RNF213: variants seen among roughly 807,000 people sequenced by gnomAD.
RNF213 encodes E3 ubiquitin-protein ligase RNF213.
RNF213 carries 341 observed loss-of-function variants against 514.4 expected under a neutral mutation model. That is an observed-to-expected ratio of 0.66 (90% confidence interval 0.61 to 0.73). RNF213 has a LOEUF of 0.73. Ranked by LOEUF, RNF213 falls within the 30% of genes least tolerant of loss-of-function variation. The pLI, the probability that RNF213 is intolerant of heterozygous loss-of-function variation, is 0.00. For missense variants in RNF213, 5,767 were observed against 6,615.6 expected (o/e 0.87, Z 4.45); for synonymous variants, 2,655 against 2,658.2 (o/e 1.00, Z 0.04).
Position 80,294,851 on chromosome 17 carries a change from G to C in RNF213, c.1603G>C (p.Asp535His). The change falls in exon 9 of 68, where the codon GAC (aspartate) becomes CAC (histidine). Residue 535 changes from aspartate (D) to histidine (H), a missense_variant. Asp to His is a moderately conservative substitution (Grantham distance 81, BLOSUM62 -1). Coordinates refer to ENST00000582970, the MANE Select transcript of RNF213 (RefSeq NM_001256071.3). ...GCAGATTGCCGCTGCGCTCATGCTGGACAGCACCTTCAGCATCCTGCAGAC... is the reference window on the plus strand; with the variant it reads ...GCAGATTGCCGCTGCGCTCATGCTGCACAGCACCTTCAGCATCCTGCAGAC... Reference protein sequence around the residue: ...GKQIAAALMLDSTFSILQTWD... With the variant: ...GKQIAAALMLHSTFSILQTWD... 1 of 1,614,194 alleles carries C rather than the reference G, an allele frequency of 6.2e-7. No homozygotes were observed. The highest frequency in any genetic ancestry group is 1.1e-5 in the South Asian group (1 of 91,082).
chr17:80,364,445 T>A lies in RNF213; in HGVS notation c.11763T>A (p.Ser3921Arg). The change falls in exon 42 of 68, where the codon AGT becomes AGA. Residue 3921 changes from serine to arginine, a missense_variant. By Grantham distance (110) the Ser-to-Arg change is moderately radical (BLOSUM62 -1). Around this residue, in one of 13 missense-constraint regions of RNF213, gnomAD observed 355 missense variants for 358.0 expected, o/e 0.99. Coordinates refer to ENST00000582970, the MANE Select transcript of RNF213 (RefSeq NM_001256071.3). ...AVIREVRAQWSRIFSTALFVE... is the reference protein window; with the variant it reads ...AVIREVRAQWRRIFSTALFVE... The stretch of plus-strand genomic sequence containing the variant: ...CCTCTTTTGACAGAGCCCAGTGGAG[T>A]CGGATTTTCTCCACCGCACTCTTCG... 1.2e-6 allele frequency: 2 copies of A among 1,613,428 alleles called. No individual in the cohort carries two copies.
intron 11 of RNF213, among the ~76,000 whole-genome samples, chr17:80,300,190 C>T (rs117459315): frequency 0.093 from 14,080 of 152,214 alleles, 721 homozygotes; most frequent in Non-Finnish European, 0.096. Flanking sequence ...CCTTTTTCTC[C>T]GCAACCTCAC....
At chr17:80,327,631 C>G (rs145172026) in intron 18 of RNF213, among the ~76,000 whole-genome samples, 185 bp from the exon 19 acceptor site, 2 of 152,190 alleles carry the variant, frequency 1.3e-5, no homozygotes, top group Non-Finnish European at 2.9e-5. Context: ...TGGGCAAGAC[C>G]TAACCCTCGT....
chr17:80,287,039 A>T (rs1189702186), intron 3 of RNF213, among the ~76,000 whole-genome samples: 1 of 152,138 alleles, frequency 6.6e-6, no homozygotes. Context: ...GGTGCATAAA[A>T]CGTGGAAAGC....
chr17:80,361,738 G>C lies in RNF213; in HGVS notation c.11205G>C (p.Leu3735=), dbSNP rs2144373514. Residue 3735 remains leucine (L), a synonymous_variant, in exon 39 of 68, where the codon CTG becomes CTC. Coordinates refer to ENST00000582970, the MANE Select transcript of RNF213 (RefSeq NM_001256071.3). ...TCCTTGGTTTCCTCTCTGCAGGACTGCCCAAGAAGTTCGTGGACATCTTTC... is the reference window on the plus strand; with the variant it reads ...TCCTTGGTTTCCTCTCTGCAGGACTCCCCAAGAAGTTCGTGGACATCTTTC... The part of the protein sequence containing the change: ...QAQYITDAEG[L]PKKFVDIFQQ... The C allele has an allele frequency of 6.2e-7, 1 of 1,613,340 alleles. No individual in the cohort carries two copies. The highest frequency in any genetic ancestry group is 1.7e-5 in the Admixed American group (1 of 59,980).
intron 59 of RNF213, 23 bp downstream of exon 59, chr17:80,383,951 C>T: frequency 6.2e-7 from 1 of 1,614,108 alleles, no homozygotes; most frequent in Non-Finnish European, 8.5e-7. Context: ...TACTGTGGCT[C>T]CCTCCCTCTT....
intron 2 of RNF213, among the ~76,000 whole-genome samples, chr17:80,269,555 A>G (rs1048532719): frequency 6.6e-6 from 1 of 150,698 alleles, no homozygotes; most frequent in Non-Finnish European, 1.5e-5. Flanking sequence ...CTATCCATCT[A>G]TTCTATCTGT....
intron 44 of RNF213, among the ~76,000 whole-genome samples, chr17:80,368,589 T>G (rs2079377819): frequency 6.6e-6 from 1 of 152,066 alleles, no homozygotes; most frequent in South Asian, 2.1e-4. Context: ...TGCACCACCA[T>G]GCCCGGCTAA....
chr17:80,321,232 C>G (rs1363896689), intron 17 of RNF213: 2 of 152,148 alleles, frequency 1.3e-5, no homozygotes, highest in African/African-American at 4.8e-5. Context: ...ATATTTTTAA[C>G]AATTTTGTGC....
rs2046247782 is a variant in RNF213, at chr17:80,325,205, T to G, written c.3193+7T>G. 6.5e-7 allele frequency: 1 copy of G among 1,527,774 alleles called. No homozygotes were observed. The highest frequency in any genetic ancestry group is 8.8e-7 in the Non-Finnish European group (1 of 1,139,692). The allele number at this position is 1,527,774 out of a possible 1,614,324, so 94.6% of individuals were successfully genotyped here. On this transcript the variant is annotated splice_region_variant and intron_variant, in intron 18 of 67. Coordinates refer to ENST00000582970, the MANE Select transcript of RNF213 (RefSeq NM_001256071.3). ...CACGTCTTCAGATTGTGTGGTATGT[T>G]TGCGGGAGTGCTGGGAACATCAGCT...
chr17:80,314,265 A>G (rs1236290245), intron 15 of RNF213, among the ~76,000 whole-genome samples: 94 of 48,344 alleles, frequency 1.9e-3, no homozygotes, highest in East Asian at 6.6e-3. Flanking sequence ...GATGGTGGTA[A>G]AGGTGATGGT....
chr17:80,314,271 A>G (rs1303433195), intron 15 of RNF213, among the ~76,000 whole-genome samples: 5 of 80,388 alleles, frequency 6.2e-5, no homozygotes, highest in Non-Finnish European at 6.9e-5. Context: ...GGTAAAGGTG[A>G]TGGTGGAGGT....
In RNF213 at chr17:80,346,312, A is replaced by AGCGCAGCTGAATGCCTTTC. The variant is rs1199278186; in HGVS notation, c.7978_7996dup (p.Leu2666ArgfsTer57). 6.2e-7 allele frequency: 1 copy of AGCGCAGCTGAATGCCTTTC among 1,614,072 alleles called. No individual in the cohort carries two copies. The highest frequency in any genetic ancestry group is 8.5e-7 in the Non-Finnish European group (1 of 1,180,038). ...TCCACGAGCACAGCGCGATGCTCTTAGCGCAGCTGAATGCCTTTCTCTCCA... is the reference window on the plus strand; with the variant it reads ...TCCACGAGCACAGCGCGATGCTCTTAGCGCAGCTGAATGCCTTTCGCGCAGCTGAATGCCTTTCTCTCCA... On this transcript the variant is annotated frameshift_variant, in exon 29 of 68. Transcript: ENST00000582970. LOFTEE classifies it high-confidence loss of function. The surrounding 1 kb of genome is among the most constrained non-coding windows in gnomAD (Gnocchi z 8.1).
At chr17:80,325,622 C>A (rs2046258743) in intron 18 of RNF213, among the ~76,000 whole-genome samples, 1 of 152,046 alleles carries the variant, frequency 6.6e-6, no homozygotes, top group Admixed American at 6.6e-5. Context: ...ATAGAATGTC[C>A]AAGCCAACAT....
In RNF213 at chr17:80,334,277, T is replaced by C. The variant is rs1421112861; in HGVS notation, c.4309+7T>C. 1.3e-6 allele frequency: 2 copies of C among 1,531,746 alleles called. No homozygotes were observed. Among genetic ancestry groups the C allele is most frequent in the Non-Finnish European group, 1.7e-6 (2 of 1,143,760 alleles). 94.9% of individuals were successfully genotyped at this position (1,531,746 alleles called of 1,614,324 possible). ...GTCCGGGAGGCTCTTGGAGGTAAAA[T>C]CAGCCTTTGGGGTTGCGTGGAAGTG... On this transcript the variant is annotated splice_region_variant and intron_variant, in intron 22 of 67. Coordinates refer to ENST00000582970, the MANE Select transcript of RNF213 (RefSeq NM_001256071.3).
In RNF213 at chr17:80,394,919, T is replaced by G. The variant is rs1370631151; in HGVS notation, c.*1421T>G. 1 of 152,196 alleles carries G rather than the reference T, an allele frequency of 6.6e-6. No individual in the cohort carries two copies. Among genetic ancestry groups the G allele is most frequent in the East Asian group, 1.9e-4 (1 of 5,190 alleles). 9.4% of individuals were successfully genotyped at this position (152,196 alleles called of 1,614,324 possible). A position where few individuals can be genotyped will look rare whatever the true frequency, so the allele number is the denominator to read the frequency against. ...AGCCACCTGCCACCGAGATCTGCAT[T>G]CCGACTGCCTATGAACGGGTGTGGG... On this transcript the variant is annotated 3_prime_UTR_variant, in exon 68 of 68. Transcript: ENST00000582970.
Position 80,347,475 on chromosome 17 carries a change from A to G in RNF213, c.9140A>G (p.Lys3047Arg), listed in dbSNP as rs1401238528. ...TCCCGCTACTTACTCGTGCTGACCAAAAACTACGTGGCACTGCAGATCCTG... is the reference window on the plus strand; with the variant it reads ...TCCCGCTACTTACTCGTGCTGACCAGAAACTACGTGGCACTGCAGATCCTG... ...AESRYLLVLT[K>R]NYVALQILQQ... Residue 3047 changes from lysine (K) to arginine (R), a missense_variant, in exon 29 of 68, where the codon AAA becomes AGA. Physicochemically the swap from Lys to Arg is conservative, Grantham distance 26 (BLOSUM62 2). Coordinates refer to ENST00000582970, the MANE Select transcript of RNF213 (RefSeq NM_001256071.3). This position sits in a 1 kb window ranked among gnomAD's most constrained non-coding sequence, Gnocchi z 7.2. The G allele has an allele frequency of 6.2e-7, 1 of 1,614,088 alleles. No individual in the cohort carries two copies. Among genetic ancestry groups the G allele is most frequent in the Non-Finnish European group, 8.5e-7 (1 of 1,180,030 alleles).
chr17:80,366,291 C>G (rs1408370738), intron 42 of RNF213, among the ~76,000 whole-genome samples: 4 of 152,174 alleles, frequency 2.6e-5, no homozygotes, highest in African/African-American at 9.6e-5. Context: ...CATTTGATAA[C>G]TCTGTTTAAC....
chr17:80,385,274 T>C, intron 60 of RNF213, 103 bp downstream of exon 60: 3 of 1,400,862 alleles, frequency 2.1e-6, no homozygotes, highest in Non-Finnish European at 1.0e-6. Context: ...GAGGCGCTGA[T>C]GGGTGCTCTA....
Sources: gnomAD v4.1 joint callset for allele counts (sites outside exome capture counted in the v4.1 genomes callset) on GRCh38, gnomAD v4.1.1 for gene constraint, gnomAD v4.1.1 regional missense constraint, Gnocchi (gnomAD v3.1) non-coding constraint, MANE v1.5 for transcripts, NCBI Gene and HGNC (gene_info 2026-07-23, HGNC 2026-07-21) for gene names.